Variants in CLVS1 observed in about 807,000 individuals in gnomAD.
CLVS1 encodes the protein clavesin 1.
A neutral mutation model predicts 33.1 loss-of-function variants in CLVS1; 10 were observed. That is an observed-to-expected ratio of 0.30 (90% CI 0.19 to 0.51). CLVS1 has a LOEUF of 0.51. Among genes scored for constraint, CLVS1 ranks in the 20% least tolerant of loss-of-function variants. The pLI, the probability that CLVS1 is intolerant of heterozygous loss-of-function variation, is 0.97. For synonymous variants in CLVS1, 163 were observed against 166.1 expected (o/e 0.98, Z 0.14); for missense variants, 343 against 433.4 (o/e 0.79, Z 1.85).
At chr8:61,221,253 T>C (rs572276163) in intron 2 of CLVS1, among the ~76,000 whole-genome samples, 34 of 152,346 alleles carry the variant, frequency 2.2e-4, no homozygotes, top group African/African-American at 8.2e-4. Flanking sequence ...GGCATCCTTT[T>C]CTTGTGCCGG....
intron 5 of CLVS1, among the ~76,000 whole-genome samples, chr8:61,469,523 G>A (rs775299382): frequency 6.6e-6 from 1 of 152,174 alleles, no homozygotes; most frequent in African/African-American, 2.4e-5. Flanking sequence ...CCCTGCCTGG[G>A]TAGTAAAAGT....
intron 2 of CLVS1, among the ~76,000 whole-genome samples, chr8:61,349,554 C>T (rs1186301523): frequency 1.3e-5 from 2 of 151,984 alleles, no homozygotes; most frequent in African/African-American, 4.8e-5. Context: ...GCAGATGGTA[C>T]AGGAAACATA....
intron 5 of CLVS1, among the ~76,000 whole-genome samples, chr8:61,490,253 G>A (rs1000413912): frequency 1.2e-4 from 18 of 150,992 alleles, no homozygotes; most frequent in Non-Finnish European, 2.5e-4. Flanking sequence ...AACCTGAGAG[G>A]CAGAGGTTGC....
chr8:61,022,395 G>C, the CLVS1 span, among the ~76,000 whole-genome samples: 4 of 152,174 alleles, frequency 2.6e-5, no homozygotes, highest in African/African-American at 9.7e-5. Flanking sequence ...TCGACAAGGA[G>C]ACACAAGCCT....
chr8:61,110,717 C>T (rs376561175), intron 1 of CLVS1, among the ~76,000 whole-genome samples: 33 of 152,274 alleles, frequency 2.2e-4, no homozygotes, highest in Non-Finnish European at 4.0e-4. Context: ...TCCCCTACCC[C>T]CTGGCAACCA....
chr8:61,408,337 C>G (rs973793431), intron 3 of CLVS1, among the ~76,000 whole-genome samples: 8 of 152,116 alleles, frequency 5.3e-5, no homozygotes, highest in African/African-American at 1.4e-4. Context: ...AACTTCAAGA[C>G]AGGGGAAAAG....
At chr8:61,485,903 C>G (rs951124844) in intron 5 of CLVS1, among the ~76,000 whole-genome samples, 2 of 152,130 alleles carry the variant, frequency 1.3e-5, no homozygotes, top group East Asian at 3.9e-4. Context: ...AATGAGAACA[C>G]TTGGACATGG....
At chr8:61,123,896 G>T (rs1805925018) in intron 1 of CLVS1, among the ~76,000 whole-genome samples, 1 of 152,300 alleles carries the variant, frequency 6.6e-6, no homozygotes, top group Non-Finnish European at 1.5e-5. Context: ...AGCATGGCGA[G>T]GAGGATGCTA....
chr8:61,345,324 C>T (rs551668168), intron 2 of CLVS1, among the ~76,000 whole-genome samples: 1 of 152,264 alleles, frequency 6.6e-6, no homozygotes, highest in East Asian at 1.9e-4. Context: ...CTTATAAAAT[C>T]ACATTTACTT....
chr8:61,029,917 G>A, the CLVS1 span, among the ~76,000 whole-genome samples: 5 of 152,168 alleles, frequency 3.3e-5, no homozygotes, highest in African/African-American at 1.2e-4. Context: ...CAGGATCTGT[G>A]ACAGTTTTCT....
chr8:61,319,993 A>C (rs1418212276), intron 2 of CLVS1, among the ~76,000 whole-genome samples: 1 of 151,928 alleles, frequency 6.6e-6, no homozygotes, highest in Non-Finnish European at 1.5e-5. Context: ...CTTCTAATGT[A>C]ACTGCATTTT....
intron 3 of CLVS1, among the ~76,000 whole-genome samples, chr8:61,395,469 C>A (rs1376249559): frequency 2.6e-5 from 4 of 152,124 alleles, no homozygotes; most frequent in Non-Finnish European, 5.9e-5. Flanking sequence ...TCTCACCACA[C>A]ACACACAAAA....
chr8:61,011,224 C>T, the CLVS1 span, among the ~76,000 whole-genome samples: 3 of 152,280 alleles, frequency 2.0e-5, no homozygotes, highest in African/African-American at 7.2e-5. Flanking sequence ...TATGATTGTG[C>T]CACTGAGTTC....
chr8:61,156,954 T>A (rs1195615410), intron 2 of CLVS1, among the ~76,000 whole-genome samples: 1 of 152,190 alleles, frequency 6.6e-6, no homozygotes, highest in South Asian at 2.1e-4. Context: ...GGGTCCCACA[T>A]TGCAGAGATC....
intron 2 of CLVS1, among the ~76,000 whole-genome samples, chr8:61,187,949 C>G (rs1255716806): frequency 6.6e-6 from 1 of 151,706 alleles, no homozygotes; most frequent in Non-Finnish European, 1.5e-5. Context: ...TGAGAAAGTA[C>G]TAAGTTAACA....
intron 1 of CLVS1, among the ~76,000 whole-genome samples, chr8:61,078,192 G>A (rs1805973022): frequency 6.6e-6 from 1 of 152,226 alleles, no homozygotes; most frequent in South Asian, 2.1e-4. Flanking sequence ...TATGGGCTGT[G>A]GGAAGGAGAG....
chr8:61,439,240 T>C (rs1227133231), intron 3 of CLVS1, among the ~76,000 whole-genome samples: 2 of 152,202 alleles, frequency 1.3e-5, no homozygotes, highest in African/African-American at 4.8e-5. Flanking sequence ...CTCCATCAAA[T>C]GGCTTTTAAA....
At chr8:61,131,700 C>G (rs1220546695) in intron 1 of CLVS1, 1 of 150,916 alleles carries the variant, frequency 6.6e-6, no homozygotes, top group Non-Finnish European at 1.5e-5. Flanking sequence ...ACCATCGCTA[C>G]TCAAGTAATA....
intron 2 of CLVS1, among the ~76,000 whole-genome samples, chr8:61,158,236 G>A (rs892079797): frequency 2.6e-5 from 4 of 152,172 alleles, no homozygotes; most frequent in African/African-American, 9.7e-5. Flanking sequence ...CATAATGTGT[G>A]ATTCTACTCA....
Sources: gnomAD v4.1 joint callset for allele counts (sites outside exome capture counted in the v4.1 genomes callset) on GRCh38, gnomAD v4.1.1 for gene constraint, MANE v1.5 for transcripts, NCBI Gene and HGNC (gene_info 2026-07-23, HGNC 2026-07-21) for gene names.